NADSYN1: variants seen among roughly 807,000 people sequenced by gnomAD.
NADSYN1 encodes the protein NAD synthetase 1.
NADSYN1 carries 80 observed loss-of-function variants against 99.3 expected under a neutral mutation model. That is an observed-to-expected ratio of 0.81 (90% CI 0.67 to 0.97). The LOEUF (loss-of-function observed/expected upper bound fraction) is 0.97. NADSYN1 is among the 50% of genes least tolerant of loss of function. The pLI is 0.00. For synonymous variants in NADSYN1, 385 were observed against 372.1 expected (o/e 1.03, Z -0.40); for missense variants, 859 against 948.5 (o/e 0.91, Z 1.24).
At position 71,463,316 on chromosome 11, in the gene NADSYN1, G is replaced by A. The variant is rs765912552; in HGVS notation, c.264-116G>A. ...AGCCTTGCAGTTCTCCGAAGGGATC[G>A]GAGGAAGCTTCGTAGTAAAGTAAAA... On this transcript the variant is annotated intron_variant, in intron 3 of 20. Coordinates refer to ENST00000319023, the MANE Select transcript of NADSYN1 (RefSeq NM_018161.5). 30 of 920,368 alleles carry A rather than the reference G, an allele frequency of 3.3e-5. 1 individual carries two copies. Among genetic ancestry groups the A allele is most frequent in the Middle Eastern group, 2.1e-4 (1 of 4,702 alleles). The allele number at this position is 920,368 out of a possible 1,614,324, so 57.0% of individuals were successfully genotyped here.
At chr11:71,489,312 A>G (rs777172955) in intron 16 of NADSYN1, among the ~76,000 whole-genome samples, 14 of 152,124 alleles carry the variant, frequency 9.2e-5, no homozygotes, top group Non-Finnish European at 1.9e-4. Context: ...CCGCCAGTTC[A>G]GTCTTGATTT....
chr11:71,455,491 G>A (rs1949507311), intron 2 of NADSYN1: 1 of 326,712 alleles, frequency 3.1e-6, no homozygotes, highest in Non-Finnish European at 5.7e-6. Context: ...AAATTCATAT[G>A]TTGAAACCTA....
chr11:71,481,934 G>A lies in NADSYN1; in HGVS notation c.1059G>A (p.Leu353=). 1.2e-6 allele frequency: 2 copies of A among 1,613,342 alleles called. No individual in the cohort carries two copies. The highest frequency in any genetic ancestry group is 1.7e-6 in the Non-Finnish European group (2 of 1,179,688). Residue 353 remains leucine, a synonymous_variant, in exon 13 of 21, where the codon TTG becomes TTA. Coordinates refer to ENST00000319023, the MANE Select transcript of NADSYN1 (RefSeq NM_018161.5). ...TTGGTCCATTCCAGGCAGGGTTTTT[G>A]CTGCCCTTGAGTGGCGGGGTGGACA... ...FLRRSQQAGF[L]LPLSGGVDSA...
chr11:71,479,319 C>T (rs919207224), intron 10 of NADSYN1: 1 of 151,150 alleles, frequency 6.6e-6, no homozygotes, highest in Non-Finnish European at 1.5e-5. Context: ...TGGTCTTGAA[C>T]TCCTGGGCTA....
intron 16 of NADSYN1, among the ~76,000 whole-genome samples, chr11:71,487,519 C>G (rs1397081272): frequency 6.6e-6 from 1 of 152,022 alleles, no homozygotes; most frequent in Non-Finnish European, 1.5e-5. Context: ...GCTGGAAGGT[C>G]TCTAGATGCC....
intron 9 of NADSYN1, chr11:71,477,139 C>G (rs1371708486): frequency 2.6e-6 from 3 of 1,138,912 alleles, no homozygotes; most frequent in Non-Finnish European, 3.3e-6. Flanking sequence ...CCGATCACCC[C>G]CGTCGGGCCC....
intron 5 of NADSYN1, among the ~76,000 whole-genome samples, chr11:71,465,349 G>T (rs1949580711): frequency 6.6e-6 from 1 of 152,112 alleles, no homozygotes; most frequent in African/African-American, 2.4e-5. Context: ...CAGAAACATG[G>T]ACTAGGGTCT....
At chr11:71,482,126 G>A in intron 13 of NADSYN1, 101 bp downstream of exon 13, 3 of 1,043,894 alleles carry the variant, frequency 2.9e-6, no homozygotes, top group Non-Finnish European at 4.3e-6. Context: ...CCGTGCCATG[G>A]ACATCGGGGT....
chr11:71,459,509 A>C (rs781636435), intron 3 of NADSYN1, among the ~76,000 whole-genome samples: 2 of 151,554 alleles, frequency 1.3e-5, no homozygotes, highest in Non-Finnish European at 2.9e-5. Context: ...CCCTGCTTTG[A>C]ATAGCCGGCT....
intron 5 of NADSYN1, among the ~76,000 whole-genome samples, chr11:71,471,513 C>T (rs1395792499): frequency 6.6e-6 from 1 of 152,192 alleles, no homozygotes; most frequent in Non-Finnish European, 1.5e-5. Context: ...ACATGCCTGT[C>T]CCGCTGGGTC....
chr11:71,489,243 G>A (rs950239676), intron 16 of NADSYN1, among the ~76,000 whole-genome samples: 3 of 152,118 alleles, frequency 2.0e-5, no homozygotes, highest in African/African-American at 4.8e-5. Flanking sequence ...GCTGGAACTC[G>A]GTGGTCCTGT....
At chr11:71,464,966 C>T (rs1214900770) in intron 5 of NADSYN1, among the ~76,000 whole-genome samples, 1 of 151,582 alleles carries the variant, frequency 6.6e-6, no homozygotes, top group African/African-American at 2.4e-5. Context: ...TATTCTACCT[C>T]AGCAGTGTCA....
intron 5 of NADSYN1, among the ~76,000 whole-genome samples, chr11:71,469,456 G>A (rs1949613356): frequency 1.3e-5 from 2 of 152,126 alleles, no homozygotes; most frequent in Non-Finnish European, 2.9e-5. Flanking sequence ...TGGGAATCAG[G>A]GGGCTGACAA....
At position 71,483,007 on chromosome 11, in the gene NADSYN1, C is replaced by T; in HGVS notation, c.1309C>T (p.Gln437Ter). ...TCTRARELAQ[Q>*]IGSHHISLNI... is the part of the protein sequence containing the mutation. ...CACCCGGGCCAGAGAGTTGGCCCAGCAGATTGGAAGGTAGAGTTGGTCCCT... is the reference window on the plus strand; with the variant it reads ...CACCCGGGCCAGAGAGTTGGCCCAGTAGATTGGAAGGTAGAGTTGGTCCCT... The change falls in exon 14 of 21, where the codon CAG (glutamine) becomes TAG (stop). Residue 437 changes from glutamine (Q) to a stop codon, truncating the protein, a stop_gained. Coordinates refer to ENST00000319023, the MANE Select transcript of NADSYN1 (RefSeq NM_018161.5). LOFTEE classifies it high-confidence loss of function. 2 of 1,612,034 alleles carry T rather than the reference C, an allele frequency of 1.2e-6. No individual in the cohort carries two copies. Among genetic ancestry groups the T allele is most frequent in the Non-Finnish European group, 1.7e-6 (2 of 1,179,576 alleles).
intron 1 of NADSYN1, among the ~76,000 whole-genome samples, chr11:71,454,050 G>T (rs1430530236): frequency 6.6e-6 from 1 of 152,184 alleles, no homozygotes; most frequent in African/African-American, 2.4e-5. Context: ...AGGATGAAAA[G>T]TTAAACTATT....
chr11:71,477,111 G>A lies in NADSYN1; in HGVS notation c.799-1284G>A, dbSNP rs1398335251. Reference sequence around the variant, plus strand: ...TTCAGAGTCACCCCTTCTGCCTCCTGCTCAAGCAACAGACCTGCCGATCAC... The same window carrying A: ...TTCAGAGTCACCCCTTCTGCCTCCTACTCAAGCAACAGACCTGCCGATCAC... On this transcript the variant is annotated intron_variant, in intron 9 of 20. Coordinates refer to ENST00000319023, the MANE Select transcript of NADSYN1 (RefSeq NM_018161.5). 6 of 1,125,998 alleles carry A rather than the reference G, an allele frequency of 5.3e-6. No individual in the cohort carries two copies. In the East Asian group the frequency reaches 4.6e-4, roughly 86 times the overall value. 69.8% of individuals were successfully genotyped at this position (1,125,998 alleles called of 1,614,324 possible). A position where few individuals can be genotyped will look rare whatever the true frequency, so the allele number is the denominator to read the frequency against.
At chr11:71,491,703 T>C in intron 17 of NADSYN1, 131 bp from the exon 18 acceptor site, 1 of 777,550 alleles carries the variant, frequency 1.3e-6, no homozygotes, top group Non-Finnish European at 2.1e-6. Flanking sequence ...CAAGCCTTGG[T>C]GACGTCCTAC....
intron 20 of NADSYN1, 71 bp from the exon 21 acceptor site, chr11:71,501,231 G>C: frequency 7.3e-7 from 1 of 1,369,994 alleles, no homozygotes; most frequent in South Asian, 1.6e-5. Flanking sequence ...CGCTTTTGGT[G>C]CGTGCCAGTG....
intron 5 of NADSYN1, among the ~76,000 whole-genome samples, chr11:71,468,312 A>G (rs1233876988): frequency 6.6e-6 from 1 of 152,238 alleles, no homozygotes; most frequent in Non-Finnish European, 1.5e-5. Flanking sequence ...GTGTCAACAA[A>G]TGGGACTGTA....
Sources: allele counts gnomAD v4.1 joint callset (sites outside exome capture counted in the v4.1 genomes callset), GRCh38; gene constraint gnomAD v4.1.1; transcripts MANE v1.5; gene names NCBI Gene and HGNC (gene_info 2026-07-23, HGNC 2026-07-21).